The following NACC2 variants were observed in gnomAD, a reference collection of about 807,000 sequenced individuals.
NACC2 encodes NACC family member 2.
Under a neutral mutation model 25.1 loss-of-function variants are expected in NACC2, and 8 were observed. The ratio of observed to expected loss-of-function variants is 0.32; its 90% confidence interval spans 0.19 to 0.57. The LOEUF (loss-of-function observed/expected upper bound fraction) is 0.57, where lower values mean the gene tolerates loss of function less well. Ranked by LOEUF, NACC2 falls within the 20% of genes least tolerant of loss-of-function variation. The pLI is 0.89. For missense variants in NACC2, 644 were observed against 650.2 expected (o/e 0.99, Z 0.10); for synonymous variants, 435 against 294.7 (o/e 1.48, Z -4.88).
At chr9:136,052,227 T>C (rs892022829) in intron 1 of NACC2, among the ~76,000 whole-genome samples, 1 of 152,232 alleles carries the variant, frequency 6.6e-6, no homozygotes, top group Non-Finnish European at 1.5e-5. Context: ...GCAGAAATAC[T>C]GTACAGTAGT....
At chr9:136,033,632 G>C (rs1363863915) in intron 2 of NACC2, among the ~76,000 whole-genome samples, 6 of 121,886 alleles carry the variant, frequency 4.9e-5, no homozygotes, top group African/African-American at 9.3e-5. Context: ...CCGGGGGACA[G>C]AGCAAGACTC....
chr9:136,010,457 C>A lies in NACC2; in HGVS notation c.*1059G>T, dbSNP rs1475636611. ...ACGTACTAGTCGCCCACCCGGGACC[C>A]CCTTTTTCCCCCAGTGGGAGACGAG... On this transcript the variant is annotated 3_prime_UTR_variant, in exon 6 of 6. Transcript: ENST00000277554. This position sits in a 1 kb window ranked among gnomAD's most constrained non-coding sequence, Gnocchi z 4.9. 6.6e-6 allele frequency: 1 copy of A among 152,288 alleles called. No individual in the cohort carries two copies. The highest frequency in any genetic ancestry group is 1.5e-5 in the Non-Finnish European group (1 of 68,124). The allele number at this position is 152,288 out of a possible 1,614,324, so 9.4% of individuals were successfully genotyped here.
At chr9:136,041,912 G>A (rs1382670840) in intron 2 of NACC2, among the ~76,000 whole-genome samples, 1 of 152,100 alleles carries the variant, frequency 6.6e-6, no homozygotes, top group Non-Finnish European at 1.5e-5. Flanking sequence ...CTGATTTACA[G>A]AATCAGTGCA....
intron 1 of NACC2, among the ~76,000 whole-genome samples, chr9:136,051,986 C>G (rs1468492405): frequency 1.3e-5 from 2 of 152,196 alleles, no homozygotes; most frequent in East Asian, 3.9e-4. Context: ...CAGCTGCACC[C>G]AGGCCGGCCC....
intron 2 of NACC2, among the ~76,000 whole-genome samples, chr9:136,029,312 G>A (rs996538982): frequency 6.6e-6 from 1 of 152,190 alleles, no homozygotes; most frequent in Admixed American, 6.5e-5. Flanking sequence ...GAGCTGAGCA[G>A]ATGTTGAGGA....
chr9:136,018,343 A>G lies in NACC2; in HGVS notation c.887-1914T>C, dbSNP rs1456255445. On this transcript the variant is annotated intron_variant, in intron 2 of 5. Transcript: ENST00000277554. This position sits in a 1 kb window ranked among gnomAD's most constrained non-coding sequence, Gnocchi z 4.4. ...GGGAGGGTCCCAGAGTCACCTTTGC[A>G]CCCAGCGCCTGTCAGGGAGGGGCAG... is the stretch of plus-strand genomic sequence containing the variant. Among the ~76,000 whole-genome samples, 1 of 151,906 alleles carries G rather than the reference A, an allele frequency of 6.6e-6. No individual in the cohort carries two copies. Among genetic ancestry groups the G allele is most frequent in the Non-Finnish European group, 1.5e-5 (1 of 67,938 alleles).
At chr9:136,060,220 C>T (rs1050858921) in intron 1 of NACC2, among the ~76,000 whole-genome samples, 1 of 152,240 alleles carries the variant, frequency 6.6e-6, no homozygotes, top group Non-Finnish European at 1.5e-5. Flanking sequence ...ATCTTAACCA[C>T]AAAACCCAAA....
Position 136,086,786 on chromosome 9 carries a change from G to A in NACC2, c.-60+8403C>T, listed in dbSNP as rs896498022. On this transcript the variant is annotated intron_variant, in intron 1 of 5. Transcript: ENST00000277554. This position sits in a 1 kb window ranked among gnomAD's most constrained non-coding sequence, Gnocchi z 5.6. The stretch of plus-strand genomic sequence containing the variant: ...AGCTGGCCAGCTGCACTGGTTTCAC[G>A]CCCATCCAGGTGCCATCCCAGCAGC... Among the ~76,000 whole-genome samples the A allele has an allele frequency of 4.6e-5, 7 of 152,050 alleles. No individual in the cohort carries two copies. Among genetic ancestry groups the A allele is most frequent in the South Asian group, 4.1e-4 (2 of 4,824 alleles).
intron 2 of NACC2, among the ~76,000 whole-genome samples, chr9:136,037,326 C>T (rs1310929556): frequency 6.6e-6 from 1 of 151,932 alleles, no homozygotes; most frequent in Non-Finnish European, 1.5e-5. Context: ...CGGGTTCAAG[C>T]GATTCTCCTG....
intron 1 of NACC2, among the ~76,000 whole-genome samples, chr9:136,065,086 C>T (rs748993740): frequency 1.3e-5 from 2 of 152,172 alleles, no homozygotes; most frequent in Non-Finnish European, 2.9e-5. Flanking sequence ...AATGTAAGAG[C>T]TAAAACTATA....
At chr9:136,078,813 G>A (rs1394653344) in intron 1 of NACC2, among the ~76,000 whole-genome samples, 2 of 152,220 alleles carry the variant, frequency 1.3e-5, no homozygotes, top group Non-Finnish European at 2.9e-5. Flanking sequence ...CCCCCAGCGT[G>A]GTCCCCTCCA....
Position 136,011,646 on chromosome 9 carries a change from G to C in NACC2, c.1634C>G (p.Pro545Arg), listed in dbSNP as rs770936995. The C allele has an allele frequency of 3.6e-6, 5 of 1,404,756 alleles. No individual in the cohort carries two copies. The South Asian group carries it at 7.8e-5, about 22-fold the overall frequency. 87.0% of individuals were successfully genotyped at this position (1,404,756 alleles called of 1,614,324 possible). Residue 545 changes from proline (P) to arginine (R), a missense_variant, in exon 6 of 6, where the codon CCC (proline) becomes CGC (arginine). Pro to Arg is a moderately radical substitution (Grantham distance 103). Transcript: ENST00000277554. ...AGSVIQEVAAPEPLPADGQSP... is the reference protein window; with the variant it reads ...AGSVIQEVAAREPLPADGQSP... ...CTGGCCATCGGCGGGCAGCGGCTCG[G>C]GGGCGGCCACCTCCTGGATGACCGA... is the stretch of plus-strand genomic sequence containing the variant.
intron 1 of NACC2, among the ~76,000 whole-genome samples, chr9:136,051,049 G>C (rs1012892636): frequency 6.6e-6 from 1 of 152,222 alleles, no homozygotes; most frequent in African/African-American, 2.4e-5. Context: ...GAGGGAGGGG[G>C]GTCTCTGGAG....
At chr9:136,085,596 G>A (rs115089740) in intron 1 of NACC2, among the ~76,000 whole-genome samples, 1,576 of 152,334 alleles carry the variant, frequency 0.01, 22 homozygotes, top group African/African-American at 0.032. Flanking sequence ...AAGGCCAGGA[G>A]GGGCCTGGGA....
chr9:136,014,812 G>C (rs1382328376), intron 3 of NACC2, among the ~76,000 whole-genome samples: 1 of 152,192 alleles, frequency 6.6e-6, no homozygotes, highest in Non-Finnish European at 1.5e-5. Flanking sequence ...CGTGGCCAGA[G>C]AGGTCCACGC....
intron 1 of NACC2, among the ~76,000 whole-genome samples, chr9:136,091,267 C>T (rs1830431595): frequency 1.3e-5 from 2 of 152,230 alleles, no homozygotes; most frequent in Admixed American, 1.3e-4. Context: ...CACATTCAGC[C>T]TCCAGCTCCT....
Position 136,016,289 on chromosome 9 carries a change from C to A in NACC2, c.1027G>T (p.Gly343Trp), listed in dbSNP as rs918170585. 1 of 1,612,810 alleles carries A rather than the reference C, an allele frequency of 6.2e-7. No individual in the cohort carries two copies. Among genetic ancestry groups the A allele is most frequent in the Non-Finnish European group, 8.5e-7 (1 of 1,180,010 alleles). The stretch of plus-strand genomic sequence containing the variant: ...CCTGCCACCAGCTCCAGCTTCTCCC[C>A]GGGGTCCCCTTCCGAGTAGAGCTTG... ...HPKLYSEGDP[G>W]EKLELVAGSG... is the part of the protein sequence containing the mutation. The change falls in exon 3 of 6, where the codon GGG becomes TGG. Residue 343 changes from glycine (G) to tryptophan (W), a missense_variant. By Grantham distance (184) the Gly-to-Trp change is radical. Coordinates refer to ENST00000277554, the MANE Select transcript of NACC2 (RefSeq NM_144653.5).
At position 136,008,121 on chromosome 9, in the gene NACC2, T is replaced by C. The variant is rs901381578; in HGVS notation, c.*3395A>G. ...GCTTTGTCCACATTCAGGGGCAAAG[T>C]ACAACAACCAAATCCAATGCAAAGT... On this transcript the variant is annotated 3_prime_UTR_variant, in exon 6 of 6. Transcript: ENST00000277554. 2.0e-5 allele frequency: 3 copies of C among 152,194 alleles called. No individual in the cohort carries two copies. Among genetic ancestry groups the C allele is most frequent in the African/African-American group, 7.2e-5 (3 of 41,406 alleles). 9.4% of individuals were successfully genotyped at this position (152,194 alleles called of 1,614,324 possible).
At chr9:136,012,160 C>G (rs1840121255) in intron 5 of NACC2, 136 bp from the exon 6 acceptor site, 1 of 1,122,626 alleles carries the variant, frequency 8.9e-7, no homozygotes, top group Non-Finnish European at 1.2e-6. Context: ...CTGGGGCTCT[C>G]CTGGCCTCAG....
Sources: allele counts gnomAD v4.1 joint callset (sites outside exome capture counted in the v4.1 genomes callset), GRCh38; gene constraint gnomAD v4.1.1; non-coding constraint Gnocchi (gnomAD v3.1); transcripts MANE v1.5; gene names NCBI Gene and HGNC (gene_info 2026-07-23, HGNC 2026-07-21).